The following DUX4 variants were observed in gnomAD, a reference collection of about 807,000 sequenced individuals.
DUX4 encodes double homeobox 4.
rs2126587230 is a variant in DUX4, at chr4:190,183,629, G to C, written n.93-1712G>C. On this transcript the variant is annotated intron_variant and non_coding_transcript_variant, in intron 1 of 2. Coordinates refer to the DUX4 transcript ENST00000563716. ...GCTACTAATAGCAGAGTAGTGTTTA[G>C]ATTCATATGGGAATACTGAACACAG... 1.8e-5 allele frequency among the ~76,000 whole-genome samples: 2 copies of C among 109,426 alleles called. 1 individual carries two copies. The highest frequency in any genetic ancestry group is 6.7e-4 in the South Asian group (2 of 3,006). 71.8% of individuals were successfully genotyped at this position (109,426 alleles called of 152,430 possible).
chr4:190,176,591 G>A (rs1324265198), downstream of DUX4, among the ~76,000 whole-genome samples: 25 of 107,956 alleles, frequency 2.3e-4, 8 homozygotes, highest in South Asian at 7.3e-3. Context: ...TAGGCAGAAC[G>A]TAGACAAGAG....
downstream of DUX4, among the ~76,000 whole-genome samples, chr4:190,179,471 GTT>G (rs1742496076): frequency 6.7e-6 from 1 of 150,074 alleles, no homozygotes; most frequent in Non-Finnish European, 1.5e-5. Flanking sequence ...CTAGAGAAGA[GTT>G]ATATCACCTG....
intron 1 of DUX4, among the ~76,000 whole-genome samples, chr4:190,181,446 G>A (rs1553983642): frequency 0.017 from 413 of 24,100 alleles, no homozygotes; most frequent in East Asian, 0.038. Context: ...CAGAGCGTAA[G>A]CAAGAGTTAC....
At chr4:190,180,067 GAATCC>G (rs1742529154), downstream of DUX4, among the ~76,000 whole-genome samples, 3 of 3,188 alleles carry the variant, frequency 9.4e-4, no homozygotes, top group Non-Finnish European at 1.8e-3. Flanking sequence ...CCCCATAGGC[GAATCC>G]AAGACAAGAG....
downstream of DUX4, among the ~76,000 whole-genome samples, chr4:190,179,793 G>GTC (rs1742512615): frequency 2.7e-5 from 4 of 147,260 alleles, no homozygotes; most frequent in African/African-American, 9.9e-5. Context: ...GCCCCTGTAG[G>GTC]CAAGCCTACA....
At chr4:190,183,013 AGGG>A (rs1742619662) in intron 1 of DUX4, among the ~76,000 whole-genome samples, 1 of 36,234 alleles carries the variant, frequency 2.8e-5, no homozygotes, top group African/African-American at 4.8e-5. Context: ...AGTTAGGGTT[AGGG>A]TTACTGGTTA....
downstream of DUX4, among the ~76,000 whole-genome samples, chr4:190,176,485 G>T (rs1406201786): frequency 9.2e-6 from 1 of 108,888 alleles, no homozygotes; most frequent in East Asian, 3.4e-4. Flanking sequence ...TAGGTTATCA[G>T]TGCAGAGATA....
downstream of DUX4, among the ~76,000 whole-genome samples, chr4:190,178,881 G>GCA (rs1742459403): frequency 2.3e-5 from 3 of 130,926 alleles, no homozygotes; most frequent in Admixed American, 1.7e-4. Flanking sequence ...GGTGATCAGT[G>GCA]CAGATCTATG....
downstream of DUX4, among the ~76,000 whole-genome samples, chr4:190,177,213 G>GTA (rs1742352457): frequency 3.7e-3 from 256 of 68,858 alleles, no homozygotes; most frequent in South Asian, 7.0e-3. Flanking sequence ...GAGCCTAGAT[G>GTA]AGTGTTACAT....
At chr4:190,176,578 C>A (rs1476405660), downstream of DUX4, among the ~76,000 whole-genome samples, 14 of 113,868 alleles carry the variant, frequency 1.2e-4, 2 homozygotes, top group African/African-American at 3.7e-4. Context: ...ATAAAGCCTC[C>A]TGTAGGCAGA....
intron 1 of DUX4, among the ~76,000 whole-genome samples, chr4:190,181,295 G>A (rs1579837141): frequency 3.1e-4 from 30 of 97,218 alleles, no homozygotes; most frequent in African/African-American, 9.1e-4. Flanking sequence ...AATGCCGCCA[G>A]TAGGCAGAGC....
downstream of DUX4, among the ~76,000 whole-genome samples, chr4:190,180,105 C>G (rs1742531387): frequency 1.5e-5 from 1 of 67,342 alleles, no homozygotes; most frequent in Non-Finnish European, 3.2e-5. Flanking sequence ...GTGATCAGTG[C>G]AGAAATATGT....
intron 1 of DUX4, among the ~76,000 whole-genome samples, chr4:190,181,089 CTTTAAG>C (rs1742544908): frequency 2.5e-5 from 2 of 80,906 alleles, no homozygotes; most frequent in African/African-American, 4.9e-5. Flanking sequence ...GACAAGGCCC[CTTTAAG>C]CAGAGCCTAG....
At chr4:190,176,299 A>G (rs1474440658), downstream of DUX4, among the ~76,000 whole-genome samples, 3 of 115,018 alleles carry the variant, frequency 2.6e-5, no homozygotes, top group African/African-American at 7.7e-5. Flanking sequence ...ATCTGTCACA[A>G]TGCCCCTGTA....
chr4:190,179,176 G>T, downstream of DUX4, among the ~76,000 whole-genome samples: 2 of 152,062 alleles, frequency 1.3e-5, no homozygotes, highest in African/African-American at 2.4e-5. Flanking sequence ...CAATGCCCCT[G>T]TAGGCAGAGC....
chr4:190,181,315 A>ACAACC (rs1742564331), intron 1 of DUX4, among the ~76,000 whole-genome samples: 1 of 35,380 alleles, frequency 2.8e-5, no homozygotes, highest in Non-Finnish European at 5.5e-5. Flanking sequence ...CCTAAAGAAG[A>ACAACC]GTCCCATCCC....
downstream of DUX4, among the ~76,000 whole-genome samples, chr4:190,178,885 A>AG (rs1415331305): frequency 2.0e-5 from 2 of 99,476 alleles, no homozygotes; most frequent in African/African-American, 3.9e-5. Context: ...ATCAGTGCAG[A>AG]TCTATGTCAC....
chr4:190,176,778 TC>T (rs1742321325), downstream of DUX4, among the ~76,000 whole-genome samples: 3 of 101,206 alleles, frequency 3.0e-5, 1 homozygote, highest in East Asian at 1.1e-3. Context: ...TGTACCAGTG[TC>T]CCCTGTAGGC....
At chr4:190,175,495 G>T (rs1365331250) in intron 1 of DUX4, among the ~76,000 whole-genome samples, 152 bp from the exon 2 acceptor site, 6 of 8,586 alleles carry the variant, frequency 7.0e-4, no homozygotes, top group Non-Finnish European at 1.0e-3. Context: ...CGCAGCGTCC[G>T]GGCCTGACAC....
Sources: gnomAD v4.1 joint callset for allele counts (sites outside exome capture counted in the v4.1 genomes callset) on GRCh38, gnomAD v4.1.1 for gene constraint, MANE v1.5 for transcripts, NCBI Gene and HGNC (gene_info 2026-07-23, HGNC 2026-07-21) for gene names.